The following KCNQ1 variants were observed in gnomAD, a reference collection of about 807,000 sequenced individuals.
KCNQ1 encodes potassium voltage-gated channel subfamily KQT member 1.
KCNQ1 carries 49 observed loss-of-function variants against 72.4 expected under a neutral mutation model. The ratio of observed to expected loss-of-function variants is 0.68; its 90% CI spans 0.54 to 0.86. KCNQ1 has a LOEUF of 0.86. KCNQ1 is among the 40% of genes least tolerant of loss of function. The pLI, the probability that KCNQ1 is intolerant of heterozygous loss-of-function variation, is 0.00. For synonymous variants in KCNQ1, 450 were observed against 412.6 expected, an observed-to-expected ratio of 1.09 and a Z score of -1.10; for missense variants, 790 against 945.1, an observed-to-expected ratio of 0.84 and a Z score of 2.15.
intron 15 of KCNQ1, among the ~76,000 whole-genome samples, chr11:2,842,710 T>C (rs1848238400): frequency 6.6e-6 from 1 of 152,324 alleles, no homozygotes; most frequent in Middle Eastern, 3.4e-3. Flanking sequence ...TGCACAGCAG[T>C]GCTCCTTTGG....
rs1847144537 is a variant in KCNQ1, at chr11:2,508,617, G to T, written c.387-19311G>T. 6.6e-6 allele frequency among the ~76,000 whole-genome samples: 1 copy of T among 152,160 alleles called. No homozygotes were observed. On this transcript the variant is annotated intron_variant, in intron 1 of 15. Transcript: ENST00000155840. The surrounding 1 kb of genome is among the most constrained non-coding windows in gnomAD (Gnocchi z 6.2). ...AGGACCCAGACTCCCAGACTAGCAGGTGGGCTTCTCAGAGCACAGAGGGTG... is the reference window on the plus strand; with the variant it reads ...AGGACCCAGACTCCCAGACTAGCAGTTGGGCTTCTCAGAGCACAGAGGGTG...
At chr11:2,789,649 C>T (rs1425448606) in intron 15 of KCNQ1, among the ~76,000 whole-genome samples, 2 of 152,242 alleles carry the variant, frequency 1.3e-5, no homozygotes, top group African/African-American at 4.8e-5. Flanking sequence ...CTCCGGGATG[C>T]TGGGGCCGTC....
At chr11:2,575,331 T>C (rs1436088369) in intron 6 of KCNQ1, among the ~76,000 whole-genome samples, 7 of 152,070 alleles carry the variant, frequency 4.6e-5, no homozygotes, top group African/African-American at 1.7e-4. Flanking sequence ...GCCTGGCCAT[T>C]GTTCCCGCCA....
intron 11 of KCNQ1, among the ~76,000 whole-genome samples, chr11:2,705,257 TG>T (rs1176769117): frequency 6.6e-6 from 1 of 151,954 alleles, no homozygotes; most frequent in Non-Finnish European, 1.5e-5. Context: ...GCCAGACGGG[TG>T]GGGGGTCTGG....
rs1172989431 is a variant in KCNQ1 at position 2,601,877 on chromosome 11, C to T, written c.1393+13023C>T. 6.6e-6 allele frequency among the ~76,000 whole-genome samples: 1 copy of T among 152,132 alleles called. No individual in the cohort carries two copies. Among genetic ancestry groups the T allele is most frequent in the Admixed American group, 6.5e-5 (1 of 15,268 alleles). ...CTATTACAAATCAGAGTAGGCTGAA[C>T]AATGGCCCCCAAAGTAGCCAGGTCC... On this transcript the variant is annotated intron_variant, in intron 10 of 15. Coordinates refer to ENST00000155840, the MANE Select transcript of KCNQ1 (RefSeq NM_000218.3). This position sits in a 1 kb window ranked among gnomAD's most constrained non-coding sequence, Gnocchi z 5.2.
chr11:2,770,477 C>T (rs930893120), intron 12 of KCNQ1, among the ~76,000 whole-genome samples: 1 of 152,268 alleles, frequency 6.6e-6, no homozygotes, highest in African/African-American at 2.4e-5. Context: ...TGCGGGCCCT[C>T]GTTCTGGCCA....
At chr11:2,847,092 C>CA (rs940880178) in intron 15 of KCNQ1, among the ~76,000 whole-genome samples, 10 of 151,990 alleles carry the variant, frequency 6.6e-5, no homozygotes, top group African/African-American at 1.7e-4. Context: ...TGGGGGATGA[C>CA]AAAAAAACCC....
At chr11:2,496,453 A>G (rs1473667190) in intron 1 of KCNQ1, among the ~76,000 whole-genome samples, 1 of 149,604 alleles carries the variant, frequency 6.7e-6, no homozygotes, top group Non-Finnish European at 1.5e-5. Flanking sequence ...AATAAAAAAT[A>G]AAAAATAAAA....
chr11:2,733,857 C>CT (rs147278439), intron 11 of KCNQ1, among the ~76,000 whole-genome samples: 25,928 of 76,200 alleles, frequency 0.34, 5,618 homozygotes, highest in Middle Eastern at 0.41. Context: ...CTCTCTCTCT[C>CT]CCCCCCCACT....
At chr11:2,716,790 TG>T (rs1219719674) in intron 11 of KCNQ1, among the ~76,000 whole-genome samples, 3 of 152,180 alleles carry the variant, frequency 2.0e-5, no homozygotes, top group Non-Finnish European at 4.4e-5. Flanking sequence ...GGAGCACTGG[TG>T]TTCTGGATCC....
chr11:2,836,977 CAT>C (rs1251031123), intron 15 of KCNQ1, among the ~76,000 whole-genome samples: 2 of 152,176 alleles, frequency 1.3e-5, no homozygotes, highest in Non-Finnish European at 2.9e-5. Context: ...TTGAAGCAAA[CAT>C]GTGAGGCGTT....
In KCNQ1 at chr11:2,652,971, C is replaced by A. The variant is rs1031354248; in HGVS notation, c.1394-8990C>A. 2.3e-5 allele frequency: 9 copies of A among 398,544 alleles called. No homozygotes were observed. Among genetic ancestry groups the A allele is most frequent in the Non-Finnish European group, 3.5e-5 (8 of 226,088 alleles). The allele number at this position is 398,544 out of a possible 1,614,324, so 24.7% of individuals were successfully genotyped here. On this transcript the variant is annotated intron_variant, in intron 10 of 15. Transcript: ENST00000155840. The surrounding 1 kb of genome is among the most constrained non-coding windows in gnomAD (Gnocchi z 5.9). ...GACTTCTCAGGATTCCGGAAGTCAT[C>A]TTTGACTGTGTCACATCACTGTCAT...
intron 1 of KCNQ1, among the ~76,000 whole-genome samples, chr11:2,520,064 G>A (rs562123819): frequency 3.9e-5 from 6 of 152,362 alleles, no homozygotes; most frequent in East Asian, 3.9e-4. Flanking sequence ...CCAGGATGAC[G>A]TATGGCCTGA....
chr11:2,594,335 C>T (rs1351564161), intron 10 of KCNQ1, among the ~76,000 whole-genome samples: 1 of 152,192 alleles, frequency 6.6e-6, no homozygotes, highest in Non-Finnish European at 1.5e-5. Flanking sequence ...CCTCTAGTGA[C>T]TTCAGAAACC....
chr11:2,607,160 C>T (rs948734790), intron 10 of KCNQ1, among the ~76,000 whole-genome samples: 4 of 152,040 alleles, frequency 2.6e-5, no homozygotes, highest in African/African-American at 4.8e-5. Context: ...GCCTCGGCCT[C>T]CCAAAGTGCT....
intron 11 of KCNQ1, chr11:2,681,321 C>G: frequency 2.5e-6 from 1 of 398,526 alleles, no homozygotes; most frequent in Non-Finnish European, 4.4e-6. Context: ...CTCTGTCTCT[C>G]TCCAACTGTG....
rs2133584535 is a variant in KCNQ1 at position 2,462,997 on chromosome 11, T to C, written c.386+17513T>C. Among the ~76,000 whole-genome samples the C allele has an allele frequency of 6.6e-6, 1 of 151,926 alleles. No homozygotes were observed. Among genetic ancestry groups the C allele is most frequent in the Admixed American group, 6.5e-5 (1 of 15,274 alleles). ...AGAGTCTTGGGTGAGGCCCCTGAAC[T>C]GGTAAGCGGGGCAGCGGCGGCAGGG... On this transcript the variant is annotated intron_variant, in intron 1 of 15. Coordinates refer to ENST00000155840, the MANE Select transcript of KCNQ1 (RefSeq NM_000218.3). The surrounding 1 kb of genome is among the most constrained non-coding windows in gnomAD (Gnocchi z 8.2).
rs1006185061 is a variant in KCNQ1 at position 2,725,407 on chromosome 11, A to C, written c.1515-43437A>C. Among the ~76,000 whole-genome samples the C allele has an allele frequency of 6.6e-6, 1 of 152,176 alleles. No individual in the cohort carries two copies. The highest frequency in any genetic ancestry group is 1.5e-5 in the Non-Finnish European group (1 of 68,024). On this transcript the variant is annotated intron_variant, in intron 11 of 15. Transcript: ENST00000155840. The surrounding 1 kb of genome is among the most constrained non-coding windows in gnomAD (Gnocchi z 7.2). ...CCTGCCTTCCAAAACAGGAGAGGCAACTTGGCCTGCTTTTTCCTCAGAAGA... is the reference window on the plus strand; with the variant it reads ...CCTGCCTTCCAAAACAGGAGAGGCACCTTGGCCTGCTTTTTCCTCAGAAGA...
chr11:2,674,302 C>T lies in KCNQ1; in HGVS notation c.1514+12221C>T. On this transcript the variant is annotated intron_variant, in intron 11 of 15. Transcript: ENST00000155840. The surrounding 1 kb of genome is among the most constrained non-coding windows in gnomAD (Gnocchi z 5.9). ...CTAGGACCTTTCTTCATCATGCAGCCGTAGAGCTGGAGGCCAAGGACACCC... is the reference window on the plus strand; with the variant it reads ...CTAGGACCTTTCTTCATCATGCAGCTGTAGAGCTGGAGGCCAAGGACACCC... The T allele has an allele frequency of 1.0e-5, 4 of 398,672 alleles. No individual in the cohort carries two copies. The highest frequency in any genetic ancestry group is 4.4e-5 in the Admixed American group (1 of 22,738). The allele number at this position is 398,672 out of a possible 1,614,324, so 24.7% of individuals were successfully genotyped here.
Sources: allele counts gnomAD v4.1 joint callset (sites outside exome capture counted in the v4.1 genomes callset), GRCh38; gene constraint gnomAD v4.1.1; non-coding constraint Gnocchi (gnomAD v3.1); transcripts MANE v1.5; gene names NCBI Gene and HGNC (gene_info 2026-07-23, HGNC 2026-07-21).